SCN4A: variants seen among roughly 807,000 people sequenced by gnomAD.
SCN4A encodes the protein sodium channel protein type 4 subunit alpha.
SCN4A carries 83 observed loss-of-function variants against 162.0 expected under a neutral mutation model. That is an observed-to-expected ratio of 0.51 (90% CI 0.43 to 0.61). SCN4A has a LOEUF of 0.61. SCN4A is among the 20% of genes least tolerant of loss of function. SCN4A has a pLI of 0.00. For missense variants in SCN4A, 2,196 were observed against 2,462.5 expected (o/e 0.89, Z 2.29); for synonymous variants, 944 against 985.1 (o/e 0.96, Z 0.78).
rs1908847465 is a variant in SCN4A, at chr17:63,949,723, A to G, written c.2854-195T>C. ...CGTAGGTGGCCCTGGTCATGCCCGC[A>G]TGACACTTATATAAGGAGTGGGGCG... On this transcript the variant is annotated intron_variant, in intron 14 of 23. Coordinates refer to ENST00000435607, the MANE Select transcript of SCN4A (RefSeq NM_000334.4). The G allele has an allele frequency of 2.4e-5, 14 of 578,398 alleles. 1 individual carries two copies. In the South Asian group the frequency reaches 3.2e-4, roughly 13 times the overall value. The allele number at this position is 578,398 out of a possible 1,614,324, so 35.8% of individuals were successfully genotyped here.
At chr17:63,963,963 G>C (rs990655929) in intron 9 of SCN4A, 138 bp from the exon 10 acceptor site, 4 of 803,876 alleles carry the variant, frequency 5.0e-6, no homozygotes, top group African/African-American at 1.7e-5. Flanking sequence ...TAGTGCAGGT[G>C]GGGGAGGGAC....
intron 18 of SCN4A, among the ~76,000 whole-genome samples, 163 bp downstream of exon 18, chr17:63,946,882 T>C (rs1908741681): frequency 1.3e-5 from 2 of 151,654 alleles, no homozygotes; most frequent in Non-Finnish European, 2.9e-5. Flanking sequence ...GGAGGACAGC[T>C]AGGGGAGGTG....
chr17:63,967,891 C>CA, intron 6 of SCN4A, 132 bp downstream of exon 6: 1 of 782,702 alleles, frequency 1.3e-6, no homozygotes, highest in Non-Finnish European at 2.1e-6. Flanking sequence ...TGAGATGGCA[C>CA]CTTTGCACTC....
At position 63,945,793 on chromosome 17, in the gene SCN4A, G is replaced by C. The variant is rs2144779836; in HGVS notation, c.3442-155C>G. ...CGACCTGCTGGGCTGTGTGTGTGCAGGTTGGGGGTGGTAAGGGGGAGGGGG... is the reference window on the plus strand; with the variant it reads ...CGACCTGCTGGGCTGTGTGTGTGCACGTTGGGGGTGGTAAGGGGGAGGGGG... On this transcript the variant is annotated intron_variant, in intron 18 of 23. Coordinates refer to ENST00000435607, the MANE Select transcript of SCN4A (RefSeq NM_000334.4). This position sits in a 1 kb window ranked among gnomAD's most constrained non-coding sequence, Gnocchi z 4.4. Among the ~76,000 whole-genome samples, 1 of 151,704 alleles carries C rather than the reference G, an allele frequency of 6.6e-6. No homozygotes were observed. The highest frequency in any genetic ancestry group is 6.6e-5 in the Admixed American group (1 of 15,250).
intron 3 of SCN4A, 37 bp from the exon 4 acceptor site, chr17:63,971,887 C>G (rs750428833): frequency 9.9e-6 from 16 of 1,610,132 alleles, no homozygotes; most frequent in Non-Finnish European, 1.4e-5. Context: ...AGGCATGTCA[C>G]CTGGGTAGGG....
chr17:63,950,775 G>A lies in SCN4A; in HGVS notation c.2853+649C>T, dbSNP rs1908882245. The stretch of plus-strand genomic sequence containing the variant: ...GCCTCAGCTGCTGGGGGTTACCACC[G>A]CTGCGTTCCTGTCCCTTCCTCGACC... On this transcript the variant is annotated intron_variant, in intron 14 of 23. Transcript: ENST00000435607. The surrounding 1 kb of genome is among the most constrained non-coding windows in gnomAD (Gnocchi z 4.6). 6.6e-6 allele frequency among the ~76,000 whole-genome samples: 1 copy of A among 152,196 alleles called. No homozygotes were observed. The highest frequency in any genetic ancestry group is 2.4e-5 in the African/African-American group (1 of 41,450).
rs779474162 is a variant in SCN4A at position 63,940,948 on chromosome 17, C to G, written c.5334G>C (p.Lys1778Asn). ...KEGLLANTMS[K>N]MYGHENGNSS... is the part of the protein sequence containing the mutation. ...TGTTCCCATTCTCGTGGCCATACATCTTGCTCATGGTGTTGGCAAGCAGCC... is the reference window on the plus strand; with the variant it reads ...TGTTCCCATTCTCGTGGCCATACATGTTGCTCATGGTGTTGGCAAGCAGCC... Residue 1778 changes from lysine to asparagine, a missense_variant, in exon 24 of 24, where the codon AAG becomes AAC. Coordinates refer to ENST00000435607, the MANE Select transcript of SCN4A (RefSeq NM_000334.4). 1 of 1,613,982 alleles carries G rather than the reference C, an allele frequency of 6.2e-7. No homozygotes were observed. Among genetic ancestry groups the G allele is most frequent in the African/African-American group, 1.3e-5 (1 of 75,070 alleles).
chr17:63,947,012 C>CCCCCCCCCCCCCCAGGCCCCAT, intron 18 of SCN4A, 33 bp downstream of exon 18: 1 of 1,472,808 alleles, frequency 6.8e-7, no homozygotes. Context: ...TCCCCCATCC[C>CCCCCCCCCCCCCCAGGCCCCAT]CAGCCCACCC....
Position 63,966,536 on chromosome 17 carries a change from A to G in SCN4A, c.1045T>C (p.Tyr349His). The G allele has an allele frequency of 6.2e-7, 1 of 1,613,760 alleles. No individual in the cohort carries two copies. The highest frequency in any genetic ancestry group is 8.5e-7 in the Non-Finnish European group (1 of 1,179,766). The change falls in exon 7 of 24, where the codon TAC becomes CAC. Residue 349 changes from tyrosine to histidine, a missense_variant. Coordinates refer to ENST00000435607, the MANE Select transcript of SCN4A (RefSeq NM_000334.4). ...GCATCGTTGGAGCCCTCCAGGAAGT[A>G]GAAGTTCCCTTTGGGAGTCAGAGGC... The part of the protein sequence containing the change: ...DAYISDEGNF[Y>H]FLEGSNDALL...
intron 12 of SCN4A, 22 bp from the exon 13 acceptor site, chr17:63,957,540 G>A (rs1184760719): frequency 1.9e-6 from 3 of 1,566,346 alleles, no homozygotes; most frequent in African/African-American, 1.4e-5. Flanking sequence ...GGAGGGCAAG[G>A]GTGAATGAGG....
At chr17:63,963,965 G>GTCCCTCCCCCACC in intron 9 of SCN4A, 140 bp from the exon 10 acceptor site, 1 of 771,794 alleles carries the variant, frequency 1.3e-6, no homozygotes, top group Non-Finnish European at 2.0e-6. Context: ...GTGCAGGTGG[G>GTCCCTCCCCCACC]GGAGGGACCA....
chr17:63,960,315 G>A lies in SCN4A; in HGVS notation c.1846-877C>T, dbSNP rs573380232. On this transcript the variant is annotated intron_variant, in intron 11 of 23. Transcript: ENST00000435607. ...CAGCTGTGCCACGAGTCCAGAGCAC[G>A]CCCTTACCCTTCCAGCCCAGCCTGG... Among the ~76,000 whole-genome samples, 17 of 152,340 alleles carry A rather than the reference G, an allele frequency of 1.1e-4. No individual in the cohort carries two copies. In the East Asian group the frequency reaches 2.1e-3, roughly 19 times the overall value.
chr17:63,971,795 C>T lies in SCN4A; in HGVS notation c.538G>A (p.Gly180Ser). The stretch of plus-strand genomic sequence containing the variant: ...AATGTGAAGTCGTCGACACAGAAGC[C>T]TCGGGCCAGTATCTTGATGAGGGAC... ...FESLIKILAR[G>S]FCVDDFTFLR... Residue 180 changes from glycine (G) to serine (S), a missense_variant, in exon 4 of 24, where the codon GGC (glycine) becomes AGC (serine). Gly to Ser is a moderately conservative substitution (Grantham distance 56). Coordinates refer to ENST00000435607, the MANE Select transcript of SCN4A (RefSeq NM_000334.4). 6.2e-7 allele frequency: 1 copy of T among 1,613,560 alleles called. No individual in the cohort carries two copies. The highest frequency in any genetic ancestry group is 8.5e-7 in the Non-Finnish European group (1 of 1,179,744).
rs1444706410 is a variant in SCN4A at position 63,972,001 on chromosome 17, G to A, written c.482+135C>T. ...GCGAGTGATAGCATGGCCACCCCAGGGACTCAAGGTGTGGATGAGGGTCAC... is the reference window on the plus strand; with the variant it reads ...GCGAGTGATAGCATGGCCACCCCAGAGACTCAAGGTGTGGATGAGGGTCAC... On this transcript the variant is annotated intron_variant, in intron 3 of 23. Transcript: ENST00000435607. The surrounding 1 kb of genome is among the most constrained non-coding windows in gnomAD (Gnocchi z 4.3). The A allele has an allele frequency of 9.5e-7, 1 of 1,049,272 alleles. No individual in the cohort carries two copies. The highest frequency in any genetic ancestry group is 2.5e-5 in the East Asian group (1 of 39,414). The allele number at this position is 1,049,272 out of a possible 1,614,324, so 65.0% of individuals were successfully genotyped here. A position where few individuals can be genotyped will look rare whatever the true frequency, so the allele number is the denominator to read the frequency against.
chr17:63,949,651 C>CCATT, intron 14 of SCN4A, 123 bp from the exon 15 acceptor site: 2 of 1,168,876 alleles, frequency 1.7e-6, no homozygotes, highest in Non-Finnish European at 1.2e-6. Context: ...GCAAACTCAT[C>CCATT]CATTCATTCA....
chr17:63,968,980 C>T (rs1019406379), intron 5 of SCN4A, among the ~76,000 whole-genome samples: 5 of 152,144 alleles, frequency 3.3e-5, no homozygotes, highest in Non-Finnish European at 5.9e-5. Context: ...GCTGGGATTA[C>T]AGGTGCATGC....
Position 63,950,935 on chromosome 17 carries a change from A to G in SCN4A, c.2853+489T>C, listed in dbSNP as rs1908887208. ...CGTTGGCCCCTAGCTCCTCTCCTGA[A>G]TCCCCTGCCTGGATCTGGCACTTTG... On this transcript the variant is annotated intron_variant, in intron 14 of 23. Coordinates refer to ENST00000435607, the MANE Select transcript of SCN4A (RefSeq NM_000334.4). The surrounding 1 kb of genome is among the most constrained non-coding windows in gnomAD (Gnocchi z 4.6). Among the ~76,000 whole-genome samples, 1 of 152,204 alleles carries G rather than the reference A, an allele frequency of 6.6e-6. No individual in the cohort carries two copies. The highest frequency in any genetic ancestry group is 3.2e-3 in the Middle Eastern group (1 of 316).
rs1345533185 is a variant in SCN4A, at chr17:63,951,633, G to T, written c.2644C>A (p.Pro882Thr). The T allele has an allele frequency of 3.1e-6, 5 of 1,612,066 alleles. No individual in the cohort carries two copies. Among genetic ancestry groups the T allele is most frequent in the Non-Finnish European group, 8.5e-7 (1 of 1,179,090 alleles). Reference protein sequence around the residue: ...ETAPEDEKKEPPEEDLKKDNH... With the variant: ...ETAPEDEKKETPEEDLKKDNH... ...TCCTTCTTCAGGTCCTCCTCGGGCG[G>T]CTCCTTCTTCTCATCCTCGGGGGCA... Residue 882 changes from proline (P) to threonine (T), a missense_variant, in exon 14 of 24, where the codon CCG becomes ACG. By Grantham distance (38) the Pro-to-Thr change is conservative (BLOSUM62 -1). Coordinates refer to ENST00000435607, the MANE Select transcript of SCN4A (RefSeq NM_000334.4). The surrounding 1 kb of genome is among the most constrained non-coding windows in gnomAD (Gnocchi z 4.5).
At chr17:63,956,161 A>C (rs951033365) in intron 13 of SCN4A, among the ~76,000 whole-genome samples, 1 of 152,186 alleles carries the variant, frequency 6.6e-6, no homozygotes, top group Admixed American at 6.5e-5. Context: ...CCAGCCCCTC[A>C]TGCCAAGCCC....
Sources: gnomAD v4.1 joint callset for allele counts (sites outside exome capture counted in the v4.1 genomes callset) on GRCh38, gnomAD v4.1.1 for gene constraint, Gnocchi (gnomAD v3.1) non-coding constraint, MANE v1.5 for transcripts, NCBI Gene and HGNC (gene_info 2026-07-23, HGNC 2026-07-21) for gene names.